Variants in CDK14 observed in about 807,000 individuals in gnomAD.
CDK14 encodes the protein cyclin-dependent kinase 14.
In CDK14, 34 loss-of-function variants were observed where a neutral mutation model predicts 60.7. The ratio of observed to expected loss-of-function variants is 0.56; its 90% CI spans 0.43 to 0.75. The LOEUF (loss-of-function observed/expected upper bound fraction) is 0.75, where lower values mean the gene tolerates loss of function less well. Among genes scored for constraint, CDK14 ranks in the 30% least tolerant of loss-of-function variants. The pLI is 0.00. For missense variants in CDK14, 482 were observed against 564.1 expected (o/e 0.85, Z 1.47); for synonymous variants, 197 against 203.7 (o/e 0.97, Z 0.28).
chr7:90,743,731 A>G lies in CDK14; in HGVS notation c.370-3950A>G, dbSNP rs76428293. Among the ~76,000 whole-genome samples, 730 of 152,094 alleles carry G rather than the reference A, an allele frequency of 4.8e-3. 3 individuals carry two copies. Among genetic ancestry groups the G allele is most frequent in the African/African-American group, 0.016 (655 of 41,514 alleles). ...GGTGGATTTTTAACATTCATTTTTTATGGGAGATATTAATTTAATCTATTT... is the reference window on the plus strand; with the variant it reads ...GGTGGATTTTTAACATTCATTTTTTGTGGGAGATATTAATTTAATCTATTT... On this transcript the variant is annotated intron_variant, in intron 3 of 14. Coordinates refer to ENST00000380050, the MANE Select transcript of CDK14 (RefSeq NM_001287135.2).
intron 10 of CDK14, among the ~76,000 whole-genome samples, chr7:91,027,313 C>G (rs1451693241): frequency 6.6e-6 from 1 of 152,178 alleles, no homozygotes; most frequent in East Asian, 1.9e-4. Flanking sequence ...CTGAGAGTTG[C>G]AACCAACTGA....
intron 14 of CDK14, among the ~76,000 whole-genome samples, chr7:91,170,179 C>A (rs931189497): frequency 2.0e-5 from 3 of 152,150 alleles, no homozygotes; most frequent in Admixed American, 2.0e-4. Flanking sequence ...ATAAGTTGTT[C>A]CCCGTGTGTT....
chr7:90,850,358 C>T (rs886519517), intron 5 of CDK14, among the ~76,000 whole-genome samples: 3 of 152,090 alleles, frequency 2.0e-5, no homozygotes, highest in African/African-American at 7.2e-5. Context: ...TCTCTAAACT[C>T]AGCACTGAAT....
chr7:91,180,573 C>G (rs1332788319), intron 14 of CDK14, among the ~76,000 whole-genome samples: 1 of 152,102 alleles, frequency 6.6e-6, no homozygotes, highest in Non-Finnish European at 1.5e-5. Context: ...TGTTTTTTTG[C>G]TCATTTGTGA....
At chr7:90,838,136 A>G (rs1322763846) in intron 5 of CDK14, among the ~76,000 whole-genome samples, 1 of 152,218 alleles carries the variant, frequency 6.6e-6, no homozygotes, top group Non-Finnish European at 1.5e-5. Context: ...TGAAGATTTC[A>G]TGAACATTTA....
intron 6 of CDK14, among the ~76,000 whole-genome samples, chr7:90,874,755 C>G (rs1791500402): frequency 6.6e-6 from 1 of 151,190 alleles, no homozygotes; most frequent in Non-Finnish European, 1.5e-5. Context: ...GTCTCGATCT[C>G]CTGACCTCAT....
chr7:90,614,202 A>G (rs1415236621), intron 2 of CDK14, among the ~76,000 whole-genome samples: 1 of 151,968 alleles, frequency 6.6e-6, no homozygotes, highest in Non-Finnish European at 1.5e-5. Flanking sequence ...ACAGGGTTTC[A>G]CTGTGTTGGT....
chr7:90,968,689 A>G (rs1318913034), intron 9 of CDK14, among the ~76,000 whole-genome samples: 5 of 152,178 alleles, frequency 3.3e-5, no homozygotes, highest in East Asian at 3.8e-4. Flanking sequence ...GGAAACCCCA[A>G]CAGATTAAAA....
intron 4 of CDK14, among the ~76,000 whole-genome samples, chr7:90,759,773 G>T (rs944895201): frequency 6.6e-6 from 1 of 152,156 alleles, no homozygotes; most frequent in African/African-American, 2.4e-5. Flanking sequence ...GACTTCACAT[G>T]CCATTTAGAG....
intron 14 of CDK14, among the ~76,000 whole-genome samples, chr7:91,188,681 C>T (rs772915710): frequency 6.6e-6 from 1 of 152,092 alleles, no homozygotes; most frequent in Admixed American, 6.6e-5. Flanking sequence ...TCTTGGTGCT[C>T]ATTATAGAAT....
chr7:90,773,891 C>CCT (rs1353472987), intron 4 of CDK14, among the ~76,000 whole-genome samples: 15 of 80,358 alleles, frequency 1.9e-4, no homozygotes, highest in South Asian at 4.6e-4. Context: ...CCTCTCCTCT[C>CCT]CTCTTTTCTT....
At chr7:91,030,673 A>T (rs1796736130) in intron 10 of CDK14, among the ~76,000 whole-genome samples, 1 of 152,200 alleles carries the variant, frequency 6.6e-6, no homozygotes, top group Non-Finnish European at 1.5e-5. Context: ...CTGCCTCCTG[A>T]CCCCACCTTG....
intron 12 of CDK14, among the ~76,000 whole-genome samples, chr7:91,094,562 G>A (rs946670580): frequency 1.3e-5 from 2 of 152,088 alleles, no homozygotes; most frequent in African/African-American, 4.8e-5. Context: ...TTCCTGGTAG[G>A]AGCATCTAAG....
chr7:90,688,677 A>G (rs1376405180), intron 2 of CDK14, among the ~76,000 whole-genome samples: 1 of 152,180 alleles, frequency 6.6e-6, no homozygotes, highest in African/African-American at 2.4e-5. Flanking sequence ...TATTATGGTA[A>G]TGTAATAAAA....
At chr7:91,054,088 A>ATTTTTTT (rs10675646) in intron 11 of CDK14, among the ~76,000 whole-genome samples, 13 of 112,942 alleles carry the variant, frequency 1.2e-4, no homozygotes, top group African/African-American at 2.9e-4. Flanking sequence ...CTGCAAAATA[A>ATTTTTTT]TTTTTTTTTT....
At chr7:91,193,240 A>C (rs1381517144) in intron 14 of CDK14, among the ~76,000 whole-genome samples, 2 of 152,190 alleles carry the variant, frequency 1.3e-5, no homozygotes, top group African/African-American at 2.4e-5. Context: ...TTGACCTGGA[A>C]TCTATGGGTC....
intron 14 of CDK14, among the ~76,000 whole-genome samples, chr7:91,163,603 T>G (rs1029059074): frequency 2.0e-5 from 3 of 152,166 alleles, no homozygotes; most frequent in African/African-American, 7.2e-5. Flanking sequence ...TTACTTACCG[T>G]TTTTTGCATT....
At chr7:91,029,641 T>TCTCCCCTCTCCCCG (rs1554407380) in intron 10 of CDK14, among the ~76,000 whole-genome samples, 2 of 122,404 alleles carry the variant, frequency 1.6e-5, no homozygotes. Flanking sequence ...CCCTCTCCCC[T>TCTCCCCTCTCCCCG]TCCCCTTCTG....
In CDK14 at chr7:91,068,940, C is replaced by T. The variant is rs139403780; in HGVS notation, c.1106-10492C>T. Among the ~76,000 whole-genome samples, 68 of 152,058 alleles carry T rather than the reference C, an allele frequency of 4.5e-4. 2 individuals are homozygous for T. The East Asian group carries it at 0.012, about 27-fold the overall frequency. ...ATGTCATATGCAGCTATCCTGGCCTCCAGCACATTCCAGCCTAGCATACTC... is the reference window on the plus strand; with the variant it reads ...ATGTCATATGCAGCTATCCTGGCCTTCAGCACATTCCAGCCTAGCATACTC... On this transcript the variant is annotated intron_variant, in intron 11 of 14. Coordinates refer to ENST00000380050, the MANE Select transcript of CDK14 (RefSeq NM_001287135.2).
Sources: gnomAD v4.1 joint callset for allele counts (sites outside exome capture counted in the v4.1 genomes callset) on GRCh38, gnomAD v4.1.1 for gene constraint, MANE v1.5 for transcripts, NCBI Gene and HGNC (gene_info 2026-07-23, HGNC 2026-07-21) for gene names.